The following PKN2 variants were observed in gnomAD, a reference collection of about 807,000 sequenced individuals.
PKN2 encodes the protein protein kinase N2.
In PKN2, 38 loss-of-function variants were observed where a neutral mutation model predicts 119.1. The ratio of observed to expected loss-of-function variants is 0.32; its 90% CI spans 0.25 to 0.42. The LOEUF is 0.42. Ranked by LOEUF, PKN2 falls within the 10% of genes least tolerant of loss-of-function variation. The pLI is 1.00. For synonymous variants in PKN2, 390 were observed against 384.9 expected (o/e 1.01, Z -0.15); for missense variants, 850 against 1,165.1 (o/e 0.73, Z 3.94).
chr1:88,820,306 G>A lies in PKN2; in HGVS notation c.2280-1635G>A, dbSNP rs567398299. Among the ~76,000 whole-genome samples the A allele has an allele frequency of 2.2e-4, 33 of 146,904 alleles. No homozygotes were observed. In the South Asian group the frequency reaches 6.2e-3, roughly 27 times the overall value. ...TCCCAGCACTTTGGGAGGCCGAGGC[G>A]GGCAGATCACCTGAGGTCGGAAGTT... is the stretch of plus-strand genomic sequence containing the variant. On this transcript the variant is annotated intron_variant, in intron 16 of 21. Transcript: ENST00000370521.
chr1:88,709,162 T>A (rs1160891563), intron 1 of PKN2, among the ~76,000 whole-genome samples: 1 of 152,024 alleles, frequency 6.6e-6, no homozygotes, highest in Non-Finnish European at 1.5e-5. Flanking sequence ...CAAGTGATTC[T>A]CCTGCCTCAG....
chr1:88,736,024 C>G (rs1260113294), intron 1 of PKN2, among the ~76,000 whole-genome samples: 1 of 152,050 alleles, frequency 6.6e-6, no homozygotes, highest in Non-Finnish European at 1.5e-5. Context: ...TTCCCTTTTA[C>G]CCTTTTTTTA....
chr1:88,780,275 A>G (rs1046183723), intron 6 of PKN2, among the ~76,000 whole-genome samples: 3 of 152,152 alleles, frequency 2.0e-5, no homozygotes, highest in East Asian at 1.9e-4. Flanking sequence ...TAGGAAAGCA[A>G]TCATATCCTA....
rs373271727 is a variant in PKN2, at chr1:88,708,233, G to C, written c.48+23605G>C. ...TGAACCTGTTAAACCTGTAGATCTTGTATTGTGTGAACAGAAATAAGGAAA... is the reference window on the plus strand; with the variant it reads ...TGAACCTGTTAAACCTGTAGATCTTCTATTGTGTGAACAGAAATAAGGAAA... On this transcript the variant is annotated intron_variant, in intron 1 of 21. Transcript: ENST00000370521. Among the ~76,000 whole-genome samples the C allele has an allele frequency of 4.7e-4, 72 of 152,176 alleles. 3 individuals are homozygous for C. The South Asian group carries it at 0.015, about 32-fold the overall frequency.
chr1:88,691,188 C>T (rs1462832839), intron 1 of PKN2, among the ~76,000 whole-genome samples: 1 of 152,008 alleles, frequency 6.6e-6, no homozygotes, highest in East Asian at 1.9e-4. Flanking sequence ...CTCAGCCTCC[C>T]AAGTAGCTGG....
At chr1:88,820,993 C>T (rs934118953) in intron 16 of PKN2, among the ~76,000 whole-genome samples, 12 of 152,130 alleles carry the variant, frequency 7.9e-5, no homozygotes, top group Admixed American at 2.6e-4. Flanking sequence ...CTCTCTCGAC[C>T]CAGGTTTTTT....
intron 1 of PKN2, among the ~76,000 whole-genome samples, chr1:88,735,043 G>C (rs953072303): frequency 1.3e-5 from 2 of 152,126 alleles, no homozygotes; most frequent in East Asian, 3.8e-4. Flanking sequence ...CACATTTATA[G>C]TATTATAGTA....
At chr1:88,816,096 C>T (rs1206607006) in intron 16 of PKN2, among the ~76,000 whole-genome samples, 2 of 151,578 alleles carry the variant, frequency 1.3e-5, no homozygotes, top group Non-Finnish European at 2.9e-5. Context: ...GCCAAGATCA[C>T]GTCACTGCAC....
intron 1 of PKN2, among the ~76,000 whole-genome samples, chr1:88,714,128 T>A (rs1667350448): frequency 6.6e-6 from 1 of 152,194 alleles, no homozygotes; most frequent in African/African-American, 2.4e-5. Flanking sequence ...TCTGTTCTGT[T>A]CCATTTGTCT....
chr1:88,776,343 T>G (rs919349267), intron 6 of PKN2, among the ~76,000 whole-genome samples: 6 of 150,212 alleles, frequency 4.0e-5, no homozygotes, highest in African/African-American at 1.5e-4. Flanking sequence ...TCTACCTCCC[T>G]TAGCTTTTGT....
chr1:88,716,999 G>A (rs1667482881), intron 1 of PKN2, among the ~76,000 whole-genome samples: 1 of 152,054 alleles, frequency 6.6e-6, no homozygotes, highest in African/African-American at 2.4e-5. Context: ...GGTGGTGACA[G>A]AATCTCTCAG....
At chr1:88,726,039 T>C (rs924175128) in intron 1 of PKN2, among the ~76,000 whole-genome samples, 2 of 152,242 alleles carry the variant, frequency 1.3e-5, no homozygotes, top group Admixed American at 1.3e-4. Flanking sequence ...ATTATTTTTG[T>C]ATATGGCTCT....
chr1:88,726,878 A>T lies in PKN2; in HGVS notation c.49-14110A>T, dbSNP rs118182396. Among the ~76,000 whole-genome samples, 587 of 152,012 alleles carry T rather than the reference A, an allele frequency of 3.9e-3. 12 individuals carry two copies. The highest frequency in any genetic ancestry group is 0.032 in the East Asian group (164 of 5,178). On this transcript the variant is annotated intron_variant, in intron 1 of 21. Coordinates refer to ENST00000370521, the MANE Select transcript of PKN2 (RefSeq NM_006256.4). ...ATGCAGGCTGTGGTCTATCATGGTG[A>T]GCATTTTGTGGGTGCTTGCAAAGAA...
At chr1:88,704,829 A>G (rs549972263) in intron 1 of PKN2, among the ~76,000 whole-genome samples, 1 of 151,868 alleles carries the variant, frequency 6.6e-6, no homozygotes, top group East Asian at 1.9e-4. Context: ...ATTCTTACCA[A>G]TACTTGGTAC....
intron 3 of PKN2, among the ~76,000 whole-genome samples, chr1:88,766,564 A>G (rs1478532893): frequency 6.6e-6 from 1 of 152,200 alleles, no homozygotes; most frequent in Non-Finnish European, 1.5e-5. Flanking sequence ...CTAATAGTTC[A>G]TTACTTTAGT....
intron 2 of PKN2, among the ~76,000 whole-genome samples, chr1:88,749,311 A>G (rs1469012619): frequency 6.6e-6 from 1 of 151,954 alleles, no homozygotes; most frequent in African/African-American, 2.4e-5. Flanking sequence ...AAATTATTCT[A>G]ACTCAATCAC....
chr1:88,738,065 A>G (rs1447989583), intron 1 of PKN2, among the ~76,000 whole-genome samples: 1 of 152,112 alleles, frequency 6.6e-6, no homozygotes, highest in East Asian at 1.9e-4. Context: ...TCTTCTCCAA[A>G]TTCTCTTTAT....
chr1:88,691,764 CTG>C (rs1666343043), intron 1 of PKN2, among the ~76,000 whole-genome samples: 1 of 152,144 alleles, frequency 6.6e-6, no homozygotes, highest in African/African-American at 2.4e-5. Flanking sequence ...CCATGGTCAA[CTG>C]TGGTCCAAAA....
chr1:88,759,033 A>G (rs1160798897), intron 2 of PKN2, among the ~76,000 whole-genome samples: 1 of 152,180 alleles, frequency 6.6e-6, no homozygotes, highest in Non-Finnish European at 1.5e-5. Flanking sequence ...TTTTCCCTGC[A>G]TTCTCGCTAG....
Sources: allele counts gnomAD v4.1 joint callset (sites outside exome capture counted in the v4.1 genomes callset), GRCh38; gene constraint gnomAD v4.1.1; transcripts MANE v1.5; gene names NCBI Gene and HGNC (gene_info 2026-07-23, HGNC 2026-07-21).